FBXL13: variants seen among roughly 807,000 people sequenced by gnomAD.
FBXL13 encodes the protein F-box and leucine rich repeat protein 13, also known as F-box and leucine-rich repeat protein 13.
Under a neutral mutation model 83.6 loss-of-function variants are expected in FBXL13, and 67 were observed. That is an observed-to-expected ratio of 0.80 (90% CI 0.66 to 0.98). The LOEUF (loss-of-function observed/expected upper bound fraction) is 0.98, where lower values mean the gene tolerates loss of function less well. Ranked by LOEUF, FBXL13 falls within the 50% of genes least tolerant of loss-of-function variation. FBXL13 has a pLI of 0.00. For synonymous variants in FBXL13, 272 were observed against 299.5 expected (o/e 0.91, Z 0.95); for missense variants, 822 against 866.5 (o/e 0.95, Z 0.64).
chr7:102,868,247 A>G (rs531448280), intron 16 of FBXL13, among the ~76,000 whole-genome samples: 114 of 152,310 alleles, frequency 7.5e-4, no homozygotes, highest in Non-Finnish European at 1.3e-3. Flanking sequence ...ATAGAACACT[A>G]GAACTTATTC....
intron 16 of FBXL13, among the ~76,000 whole-genome samples, chr7:102,874,658 G>T (rs1306879431): frequency 6.6e-6 from 1 of 152,068 alleles, no homozygotes; most frequent in East Asian, 1.9e-4. Flanking sequence ...TCAACCTTCT[G>T]GGCTCAAGCC....
chr7:103,042,561 T>C (rs1472685942), intron 2 of FBXL13, among the ~76,000 whole-genome samples: 1 of 152,164 alleles, frequency 6.6e-6, no homozygotes, highest in Non-Finnish European at 1.5e-5. Flanking sequence ...TCATGGAGAC[T>C]TCAAACTATA....
At chr7:102,997,811 T>G (rs1242980311) in intron 6 of FBXL13, among the ~76,000 whole-genome samples, 3 of 152,224 alleles carry the variant, frequency 2.0e-5, no homozygotes, top group Non-Finnish European at 4.4e-5. Flanking sequence ...TCTTTATCCA[T>G]TCATCTGTTG....
At chr7:102,918,800 T>C (rs1816413138) in intron 10 of FBXL13, among the ~76,000 whole-genome samples, 1 of 152,202 alleles carries the variant, frequency 6.6e-6, no homozygotes, top group South Asian at 2.1e-4. Context: ...TCCCAAATCA[T>C]CTACTTTGTA....
At chr7:102,968,479 G>A in intron 6 of FBXL13, among the ~76,000 whole-genome samples, 1 of 152,060 alleles carries the variant, frequency 6.6e-6, no homozygotes, top group East Asian at 1.9e-4. Context: ...GTACATAGAA[G>A]GCAATCAATA....
At chr7:102,967,589 G>A (rs954562358) in intron 7 of FBXL13, among the ~76,000 whole-genome samples, 2 of 152,048 alleles carry the variant, frequency 1.3e-5, no homozygotes, top group Non-Finnish European at 2.9e-5. Flanking sequence ...TCTCTTTTTA[G>A]TGGAATTAAC....
chr7:102,856,576 A>C (rs1806081864), intron 16 of FBXL13, among the ~76,000 whole-genome samples: 2 of 152,258 alleles, frequency 1.3e-5, no homozygotes, highest in Non-Finnish European at 2.9e-5. Flanking sequence ...AAATCATTAA[A>C]AATTAAAATA....
At chr7:103,048,725 T>A (rs1429175721) in intron 2 of FBXL13, among the ~76,000 whole-genome samples, 2 of 152,232 alleles carry the variant, frequency 1.3e-5, no homozygotes, top group Non-Finnish European at 2.9e-5. Flanking sequence ...CAATACACTT[T>A]TAAATTTAGT....
rs192741381 is a variant in FBXL13 at position 102,973,881 on chromosome 7, T to A, written c.496-5764A>T. The A allele has an allele frequency of 2.2e-4, 154 of 684,828 alleles. No homozygotes were observed. The African/African-American group carries it at 2.4e-3, about 11-fold the overall frequency. 42.4% of individuals were successfully genotyped at this position (684,828 alleles called of 1,614,324 possible). On this transcript the variant is annotated intron_variant, in intron 6 of 19. Coordinates refer to ENST00000313221, the Ensembl canonical transcript of FBXL13. ...CAAGAAGGCTCCGACGTGTGCCAGG[T>A]ACTTGCTGATCATCTGGTCTTAGGG...
At chr7:102,956,156 C>A (rs1824238362) in intron 8 of FBXL13, among the ~76,000 whole-genome samples, 1 of 152,130 alleles carries the variant, frequency 6.6e-6, no homozygotes, top group African/African-American at 2.4e-5. Flanking sequence ...CAAACCGAAT[C>A]CAGCAGCACA....
At chr7:103,030,549 T>C (rs967233573) in intron 2 of FBXL13, among the ~76,000 whole-genome samples, 1 of 152,158 alleles carries the variant, frequency 6.6e-6, no homozygotes, top group Non-Finnish European at 1.5e-5. Flanking sequence ...TTCAGTACTG[T>C]TGTAGGTCCC....
chr7:103,010,704 G>A (rs1563214588), intron 6 of FBXL13, among the ~76,000 whole-genome samples: 2 of 152,136 alleles, frequency 1.3e-5, no homozygotes, highest in Non-Finnish European at 2.9e-5. Context: ...GGTTCTCCTG[G>A]CTCCATGCTG....
chr7:103,058,896 ATAAGT>A (rs1797594881), intron 1 of FBXL13, among the ~76,000 whole-genome samples: 1 of 152,202 alleles, frequency 6.6e-6, no homozygotes, highest in South Asian at 2.1e-4. Context: ...GGTTGAGAGG[ATAAGT>A]CTCTGAAATG....
intron 18 of FBXL13, chr7:102,827,080 C>G: frequency 2.3e-6 from 1 of 442,080 alleles, no homozygotes; most frequent in South Asian, 1.6e-5. Flanking sequence ...TTGTGACTTG[C>G]TTTGACCAAA....
intron 8 of FBXL13, among the ~76,000 whole-genome samples, chr7:102,945,338 GTTTGTT>G (rs989359224): frequency 3.3e-5 from 5 of 152,090 alleles, no homozygotes; most frequent in African/African-American, 7.2e-5. Context: ...ATTTTTGTTT[GTTTGTT>G]TTTGTTTTTG....
chr7:102,901,304 T>A (rs928398703), intron 11 of FBXL13, among the ~76,000 whole-genome samples: 4 of 152,248 alleles, frequency 2.6e-5, no homozygotes, highest in African/African-American at 9.6e-5. Flanking sequence ...GGTGTATATA[T>A]TTATGGGTTA....
intron 1 of FBXL13, among the ~76,000 whole-genome samples, chr7:103,056,037 T>C (rs1180899827): frequency 6.6e-6 from 1 of 152,096 alleles, no homozygotes; most frequent in Non-Finnish European, 1.5e-5. Context: ...CAAAGTCCAT[T>C]GTATCATTCT....
In FBXL13 at chr7:102,974,166, G is replaced by C. The variant is rs184839610; in HGVS notation, c.496-6049C>G. 2.8e-4 allele frequency among the ~76,000 whole-genome samples: 42 copies of C among 152,248 alleles called. No individual in the cohort carries two copies. The East Asian group carries it at 7.3e-3, about 27-fold the overall frequency. On this transcript the variant is annotated intron_variant, in intron 6 of 19. Transcript: ENST00000313221. ...AGCACTTTGCGAGGGTGAGGTGGGCGGATCACCAGGTCAGGAGGTCAAGAC... is the reference window on the plus strand; with the variant it reads ...AGCACTTTGCGAGGGTGAGGTGGGCCGATCACCAGGTCAGGAGGTCAAGAC...
intron 8 of FBXL13, among the ~76,000 whole-genome samples, chr7:102,948,644 C>T (rs979606123): frequency 4.6e-5 from 7 of 151,906 alleles, no homozygotes; most frequent in Admixed American, 6.6e-5. Flanking sequence ...AGGATGATCT[C>T]GATCTCCTGA....
Sources: gnomAD v4.1 joint callset for allele counts (sites outside exome capture counted in the v4.1 genomes callset) on GRCh38, gnomAD v4.1.1 for gene constraint, MANE v1.5 for transcripts, NCBI Gene and HGNC (gene_info 2026-07-23, HGNC 2026-07-21) for gene names.